TOLLIP: variants seen among roughly 807,000 people sequenced by gnomAD.
TOLLIP encodes toll interacting protein, also known as toll-interacting protein.
In TOLLIP, 16 loss-of-function variants were observed where a neutral mutation model predicts 33.5. That is an observed-to-expected ratio of 0.48 (90% CI 0.32 to 0.72). The LOEUF (loss-of-function observed/expected upper bound fraction) is 0.72, where lower values mean the gene tolerates loss of function less well. Ranked by LOEUF, TOLLIP falls within the 30% of genes least tolerant of loss-of-function variation. TOLLIP has a pLI of 0.03. For missense variants in TOLLIP, 325 were observed against 396.6 expected, an observed-to-expected ratio of 0.82 and a Z score of 1.53; for synonymous variants, 176 against 163.7, an observed-to-expected ratio of 1.07 and a Z score of -0.57.
At position 1,286,035 on chromosome 11, in the gene TOLLIP, A is replaced by T; in HGVS notation, c.577T>A (p.Tyr193Asn). ...PQPVVLMPTV[Y>N]QQGVGYVPIT... ...GGCACATAGCCAACGCCCTGCTGGT[A>T]CACTGTTGGCATCAGGACCACGGGC... The change falls in exon 5 of 6, where the codon TAC (tyrosine) becomes AAC (asparagine). Residue 193 changes from tyrosine to asparagine, a missense_variant. Coordinates refer to ENST00000317204, the MANE Select transcript of TOLLIP (RefSeq NM_019009.4). 6.3e-7 allele frequency: 1 copy of T among 1,599,878 alleles called. No homozygotes were observed. Among genetic ancestry groups the T allele is most frequent in the Non-Finnish European group, 8.5e-7 (1 of 1,174,486 alleles).
At chr11:1,301,844 G>C (rs548483815) in intron 1 of TOLLIP, among the ~76,000 whole-genome samples, 19 of 152,252 alleles carry the variant, frequency 1.2e-4, no homozygotes, top group Non-Finnish European at 2.4e-4. Flanking sequence ...TAATGAAACA[G>C]AGAGAAATAA....
Position 1,295,640 on chromosome 11 carries a change from C to A in TOLLIP, c.183+5G>T. 2 of 1,546,514 alleles carry A rather than the reference C, an allele frequency of 1.3e-6. No homozygotes were observed. Among genetic ancestry groups the A allele is most frequent in the Non-Finnish European group, 1.8e-6 (2 of 1,136,002 alleles). On this transcript the variant is annotated splice_donor_5th_base_variant and intron_variant, in intron 2 of 5. Transcript: ENST00000317204. Reference sequence around the variant, plus strand: ...AGGCAGGCAGGAGGGTGCCCCAAGGCCCACCTGTACCACCGTGATGTTCAG... The same window carrying A: ...AGGCAGGCAGGAGGGTGCCCCAAGGACCACCTGTACCACCGTGATGTTCAG...
intron 5 of TOLLIP, among the ~76,000 whole-genome samples, chr11:1,282,550 C>G (rs1170247092): frequency 9.9e-5 from 15 of 151,998 alleles, no homozygotes; most frequent in Non-Finnish European, 2.2e-4. Flanking sequence ...GGGTCCGGCA[C>G]ACCAACATGG....
At chr11:1,305,955 G>T (rs553633772) in intron 1 of TOLLIP, 1 of 151,586 alleles carries the variant, frequency 6.6e-6, no homozygotes, top group South Asian at 2.1e-4. Flanking sequence ...GGCCCGCACG[G>T]TACCCCTCGC....
At chr11:1,306,652 T>G (rs1590233144) in intron 1 of TOLLIP, among the ~76,000 whole-genome samples, 1 of 151,952 alleles carries the variant, frequency 6.6e-6, no homozygotes, top group Admixed American at 6.6e-5. Flanking sequence ...GGGGCTGGGG[T>G]GGGTCATGCT....
chr11:1,295,986 C>G (rs1444953597), intron 1 of TOLLIP, among the ~76,000 whole-genome samples, 192 bp from the exon 2 acceptor site: 2 of 152,208 alleles, frequency 1.3e-5, no homozygotes, highest in Non-Finnish European at 2.9e-5. Context: ...GCCTGGCCCC[C>G]AGCGGTACAG....
chr11:1,289,835 T>C (rs1321020581), intron 3 of TOLLIP, among the ~76,000 whole-genome samples: 33 of 130,466 alleles, frequency 2.5e-4, no homozygotes, highest in African/African-American at 9.1e-4. Context: ...GACACATGCA[T>C]GCTCTGTCCC....
At position 1,304,228 on chromosome 11, in the gene TOLLIP, T is replaced by G. The variant is rs992997648; in HGVS notation, c.33+5238A>C. ...CCACCTTCGAGGCACTGAGGACAAG[T>G]GACCGTCCACCGGGAGTACTGTCCA... On this transcript the variant is annotated intron_variant, in intron 1 of 5. Transcript: ENST00000317204. Among the ~76,000 whole-genome samples, 5 of 151,892 alleles carry G rather than the reference T, an allele frequency of 3.3e-5. No homozygotes were observed. The East Asian group carries it at 9.7e-4, about 30-fold the overall frequency.
chr11:1,276,788 C>T lies in TOLLIP; in HGVS notation c.*251G>A, dbSNP rs1241008305. On this transcript the variant is annotated 3_prime_UTR_variant, in exon 6 of 6. Transcript: ENST00000317204. ...GGCATGAGAAGGAGAGACGCACGTC[C>T]CAGGGACAGGAGAGCGCGCTGAGAC... 8 of 1,519,406 alleles carry T rather than the reference C, an allele frequency of 5.3e-6. No individual in the cohort carries two copies. The highest frequency in any genetic ancestry group is 1.4e-5 in the African/African-American group (1 of 72,784). The allele number at this position is 1,519,406 out of a possible 1,614,324, so 94.1% of individuals were successfully genotyped here.
rs757918277 is a variant in TOLLIP at position 1,295,798 on chromosome 11, CG to C, written c.34-5del. The C allele has an allele frequency of 2.6e-5, 40 of 1,550,654 alleles. No homozygotes were observed. The African/African-American group carries it at 5.3e-4, about 21-fold the overall frequency. On this transcript the variant is annotated splice_polypyrimidine_tract_variant and splice_region_variant and intron_variant, in intron 1 of 5. Transcript: ENST00000317204. ...GCGGGAGCTCACCGATGTACACCTG[CG>C]GGGCCGGGGACCAGAGAGGCCAGTG...
rs1282221519 is a variant in TOLLIP, at chr11:1,278,588, C to T, written c.611-1335G>A. Reference sequence around the variant, plus strand: ...CTTCCCGGCTCCTTCTAGGCCAGGCCGACTCTTCCTCCACACCCACCCCTG... The same window carrying T: ...CTTCCCGGCTCCTTCTAGGCCAGGCTGACTCTTCCTCCACACCCACCCCTG... On this transcript the variant is annotated intron_variant, in intron 5 of 5. Transcript: ENST00000317204. The surrounding 1 kb of genome is among the most constrained non-coding windows in gnomAD (Gnocchi z 4.7). 2.0e-5 allele frequency among the ~76,000 whole-genome samples: 3 copies of T among 152,164 alleles called. No homozygotes were observed. The highest frequency in any genetic ancestry group is 2.1e-4 in the South Asian group (1 of 4,830).
At chr11:1,289,410 C>A (rs1410769779) in intron 3 of TOLLIP, among the ~76,000 whole-genome samples, 1 of 152,244 alleles carries the variant, frequency 6.6e-6, no homozygotes, top group Admixed American at 6.5e-5. Context: ...CAGGACCACA[C>A]TGAGCAGCAG....
intron 3 of TOLLIP, among the ~76,000 whole-genome samples, chr11:1,289,291 A>C (rs2133902537): frequency 6.6e-6 from 1 of 152,276 alleles, no homozygotes; most frequent in African/African-American, 2.4e-5. Context: ...CGGGAGGAAA[A>C]GGCAGGGCCC....
intron 1 of TOLLIP, among the ~76,000 whole-genome samples, chr11:1,305,647 A>G (rs990116011): frequency 2.6e-5 from 4 of 152,218 alleles, no homozygotes; most frequent in Admixed American, 2.6e-4. Flanking sequence ...TAATGAAGTC[A>G]CCGATTCGGC....
chr11:1,309,630 C>G lies in TOLLIP; in HGVS notation c.-132G>C. On this transcript the variant is annotated 5_prime_UTR_variant, in exon 1 of 6. Coordinates refer to ENST00000317204, the MANE Select transcript of TOLLIP (RefSeq NM_019009.4). ...GCCGCCGCCACAGTCAGCTGACAGC[C>G]GCCGCGCCCCGCCCCCGGCACCGCC... 1 of 340,848 alleles carries G rather than the reference C, an allele frequency of 2.9e-6. No homozygotes were observed. Among genetic ancestry groups the G allele is most frequent in the Non-Finnish European group, 5.2e-6 (1 of 192,388 alleles). 21.1% of individuals were successfully genotyped at this position (340,848 alleles called of 1,614,324 possible).
Position 1,276,568 on chromosome 11 carries a change from C to A in TOLLIP, c.*471G>T. 2 of 937,980 alleles carry A rather than the reference C, an allele frequency of 2.1e-6. No individual in the cohort carries two copies. The highest frequency in any genetic ancestry group is 2.9e-6 in the Non-Finnish European group (2 of 686,158). 58.1% of individuals were successfully genotyped at this position (937,980 alleles called of 1,614,324 possible). On this transcript the variant is annotated 3_prime_UTR_variant, in exon 6 of 6. Coordinates refer to ENST00000317204, the MANE Select transcript of TOLLIP (RefSeq NM_019009.4). Reference sequence around the variant, plus strand: ...AGGCTCACAGCAAAGCGCGTTAGGGCAAGGGCGTGAGTTTTCGTCTGGGAA... The same window carrying A: ...AGGCTCACAGCAAAGCGCGTTAGGGAAAGGGCGTGAGTTTTCGTCTGGGAA...
In TOLLIP at chr11:1,295,798, C is replaced by T. The variant is rs375082016; in HGVS notation, c.34-4G>A. On this transcript the variant is annotated splice_region_variant and splice_polypyrimidine_tract_variant and intron_variant, in intron 1 of 5. Coordinates refer to ENST00000317204, the MANE Select transcript of TOLLIP (RefSeq NM_019009.4). The stretch of plus-strand genomic sequence containing the variant: ...GCGGGAGCTCACCGATGTACACCTG[C>T]GGGGCCGGGGACCAGAGAGGCCAGT... The T allele has an allele frequency of 2.5e-5, 39 of 1,550,654 alleles. No homozygotes were observed. The highest frequency in any genetic ancestry group is 1.7e-4 in the Middle Eastern group (1 of 5,802).
rs1157119949 is a variant in TOLLIP at position 1,309,597 on chromosome 11, T to C, written c.-99A>G. 6 of 500,374 alleles carry C rather than the reference T, an allele frequency of 1.2e-5. No individual in the cohort carries two copies. The highest frequency in any genetic ancestry group is 1.8e-5 in the Non-Finnish European group (6 of 330,896). The allele number at this position is 500,374 out of a possible 1,614,324, so 31.0% of individuals were successfully genotyped here. On this transcript the variant is annotated 5_prime_UTR_variant, in exon 1 of 6. Transcript: ENST00000317204. The stretch of plus-strand genomic sequence containing the variant: ...GCCTGCGACGGAGACAGTTGTCACC[T>C]CGAGGCCGCCGCCGCCACAGTCAGC...
At chr11:1,284,177 G>A (rs900707518) in intron 5 of TOLLIP, among the ~76,000 whole-genome samples, 14 of 152,110 alleles carry the variant, frequency 9.2e-5, no homozygotes, top group African/African-American at 3.1e-4. Context: ...TCCCATGCTC[G>A]CCCCCGTTTC....
Sources: gnomAD v4.1 joint callset for allele counts (sites outside exome capture counted in the v4.1 genomes callset) on GRCh38, gnomAD v4.1.1 for gene constraint, Gnocchi (gnomAD v3.1) non-coding constraint, MANE v1.5 for transcripts, NCBI Gene and HGNC (gene_info 2026-07-23, HGNC 2026-07-21) for gene names.